PRELID2: variants seen among roughly 807,000 people sequenced by gnomAD.
PRELID2 encodes PRELI domain containing 2.
In PRELID2, 25 loss-of-function variants were observed where a neutral mutation model predicts 28.4. That is an observed-to-expected ratio of 0.88 (90% confidence interval 0.64 to 1.23). PRELID2 has a LOEUF of 1.23. Among genes scored for constraint, PRELID2 ranks in the 50% most tolerant of loss-of-function variants. PRELID2 has a pLI of 0.00. For synonymous variants in PRELID2, 76 were observed against 71.6 expected (o/e 1.06, Z -0.31); for missense variants, 201 against 214.4 (o/e 0.94, Z 0.39).
At chr5:145,407,595 C>T in the PRELID2 span, among the ~76,000 whole-genome samples, 1 of 152,142 alleles carries the variant, frequency 6.6e-6, no homozygotes. Context: ...CTAAAAAACC[C>T]CAGTACTTTT....
chr5:145,674,333 C>T (rs1475179151), intron 1 of PRELID2, among the ~76,000 whole-genome samples: 1 of 151,236 alleles, frequency 6.6e-6, no homozygotes, highest in Non-Finnish European at 1.5e-5. Context: ...ATGACAGGCC[C>T]GGGTGTGTGA....
At chr5:145,438,232 T>G in the PRELID2 span, among the ~76,000 whole-genome samples, 2 of 151,432 alleles carry the variant, frequency 1.3e-5, no homozygotes, top group Non-Finnish European at 3.0e-5. Context: ...AATAAATCAC[T>G]CCTCACTGTT....
At chr5:145,502,317 G>C (rs992978230) in intron 1 of PRELID2, among the ~76,000 whole-genome samples, 3 of 152,072 alleles carry the variant, frequency 2.0e-5, no homozygotes, top group African/African-American at 7.2e-5. Context: ...GAACAGCACT[G>C]AGAGAATTGT....
chr5:145,499,684 T>A (rs76982207), intron 1 of PRELID2, among the ~76,000 whole-genome samples: 3,114 of 152,220 alleles, frequency 0.02, 89 homozygotes, highest in African/African-American at 0.065. Context: ...GAAGAATTTG[T>A]GACAGATGCA....
intron 1 of PRELID2, among the ~76,000 whole-genome samples, chr5:145,725,543 C>G (rs1654143): frequency 0.18 from 28,091 of 152,122 alleles, 3,022 homozygotes; most frequent in African/African-American, 0.29. Flanking sequence ...TGCAATAGCA[C>G]AGAGAGGCTG....
chr5:145,699,604 C>T lies in PRELID2; in HGVS notation n.70+65327G>A, dbSNP rs78144330. Among the ~76,000 whole-genome samples, 894 of 152,244 alleles carry T rather than the reference C, an allele frequency of 5.9e-3. 13 individuals carry two copies. The highest frequency in any genetic ancestry group is 0.02 in the African/African-American group (828 of 41,544). On this transcript the variant is annotated intron_variant and non_coding_transcript_variant, in intron 1 of 2. Coordinates refer to the PRELID2 transcript ENST00000510259. ...AAAACCCTTGCACCACAGCCTTCTT[C>T]CCATTTCAGTTTGTGTGACACTGGG...
chr5:145,304,583 G>A, the PRELID2 span, among the ~76,000 whole-genome samples: 1 of 152,094 alleles, frequency 6.6e-6, no homozygotes. Context: ...TTTGCTCAAT[G>A]TCATACAACT....
At chr5:145,320,823 C>T in the PRELID2 span, among the ~76,000 whole-genome samples, 15 of 152,128 alleles carry the variant, frequency 9.9e-5, no homozygotes, top group Non-Finnish European at 1.9e-4. Context: ...TTTATGTGTG[C>T]AATCCAATTA....
intron 1 of PRELID2, among the ~76,000 whole-genome samples, chr5:145,677,379 T>C (rs1754841774): frequency 6.6e-6 from 1 of 152,140 alleles, no homozygotes. Context: ...GGTCTCCAAC[T>C]ATGGACCTCA....
chr5:145,809,700 T>C (rs1377497620), intron 4 of PRELID2, among the ~76,000 whole-genome samples: 1 of 152,232 alleles, frequency 6.6e-6, no homozygotes, highest in African/African-American at 2.4e-5. Flanking sequence ...AGAAGAATAA[T>C]CTTGTTACTC....
intron 5 of PRELID2, among the ~76,000 whole-genome samples, chr5:145,772,419 A>G (rs1197298919): frequency 6.6e-6 from 1 of 152,152 alleles, no homozygotes; most frequent in Admixed American, 6.6e-5. Context: ...ACAGAATACT[A>G]TAGGCTGAGT....
At chr5:145,626,770 A>G (rs1449604924) in intron 1 of PRELID2, among the ~76,000 whole-genome samples, 1 of 152,174 alleles carries the variant, frequency 6.6e-6, no homozygotes, top group Admixed American at 6.6e-5. Context: ...CATGGAATCA[A>G]CCTAAGTATC....
the PRELID2 span, among the ~76,000 whole-genome samples, chr5:145,323,226 T>C: frequency 1.3e-5 from 2 of 149,066 alleles, no homozygotes; most frequent in South Asian, 2.1e-4. Flanking sequence ...AGAAAGGGCA[T>C]GGCAGGGGAC....
intron 1 of PRELID2, among the ~76,000 whole-genome samples, chr5:145,701,596 G>A (rs534791643): frequency 6.6e-6 from 1 of 152,272 alleles, no homozygotes; most frequent in Non-Finnish European, 1.5e-5. Context: ...AAACCACAAG[G>A]TGTCACTTAG....
the PRELID2 span, among the ~76,000 whole-genome samples, chr5:145,454,229 GC>G: frequency 3.3e-5 from 5 of 152,074 alleles, no homozygotes; most frequent in African/African-American, 7.2e-5. Flanking sequence ...AAATTCAACA[GC>G]CCTTCAAGCT....
At chr5:145,485,944 A>G (rs1752213293) in intron 1 of PRELID2, among the ~76,000 whole-genome samples, 1 of 152,204 alleles carries the variant, frequency 6.6e-6, no homozygotes. Flanking sequence ...TTCACCTATA[A>G]TAAGAACACA....
chr5:145,337,739 A>T, the PRELID2 span, among the ~76,000 whole-genome samples: 21 of 139,194 alleles, frequency 1.5e-4, no homozygotes, highest in Non-Finnish European at 2.2e-4. Context: ...ATACTCACAC[A>T]CACACACACA....
At chr5:145,562,364 T>G (rs1752931575) in intron 1 of PRELID2, among the ~76,000 whole-genome samples, 1 of 152,214 alleles carries the variant, frequency 6.6e-6, no homozygotes, top group Admixed American at 6.5e-5. Context: ...ATATATTTAT[T>G]TTGCATAAAT....
At chr5:145,787,658 G>T (rs766023430) in intron 5 of PRELID2, among the ~76,000 whole-genome samples, 22 of 151,668 alleles carry the variant, frequency 1.5e-4, no homozygotes, top group Non-Finnish European at 2.5e-4. Context: ...TCCCACCTCA[G>T]CCCCCGGAGC....
Sources: gnomAD v4.1 joint callset for allele counts (sites outside exome capture counted in the v4.1 genomes callset) on GRCh38, gnomAD v4.1.1 for gene constraint, MANE v1.5 for transcripts, NCBI Gene and HGNC (gene_info 2026-07-23, HGNC 2026-07-21) for gene names.